The following LYST variants were observed in gnomAD, a reference collection of about 807,000 sequenced individuals.
The protein encoded by LYST is lysosomal-trafficking regulator.
A neutral mutation model predicts 413.6 loss-of-function variants in LYST; 192 were observed. The observed-to-expected ratio is 0.46, with a 90% confidence interval of 0.41 to 0.52. The LOEUF is 0.52. Ranked by LOEUF, LYST falls within the 20% of genes least tolerant of loss-of-function variation. The pLI is 0.00. For missense variants in LYST, 3,815 were observed against 4,499.9 expected (o/e 0.85, Z 4.35); for synonymous variants, 1,525 against 1,567.3 (o/e 0.97, Z 0.64).
intron 27 of LYST, 113 bp from the exon 28 acceptor site, chr1:235,751,475 A>T (rs1188569990): frequency 1.1e-6 from 1 of 944,166 alleles, no homozygotes; most frequent in Admixed American, 1.9e-5. Flanking sequence ...TTAAATTTTG[A>T]TCAGCATGGG....
chr1:235,829,344 C>G (rs2385024), intron 3 of LYST: 1 of 151,948 alleles, frequency 6.6e-6, no homozygotes, highest in African/African-American at 2.4e-5. Flanking sequence ...ATATATGTAT[C>G]TATTAGCAAA....
intron 3 of LYST, among the ~76,000 whole-genome samples, chr1:235,816,285 C>A (rs1192784200): frequency 6.7e-6 from 1 of 149,420 alleles, no homozygotes; most frequent in Non-Finnish European, 1.5e-5. Flanking sequence ...ACTAAAAATA[C>A]AAAAAATTAG....
Position 235,802,965 on chromosome 1 carries a change from C to T in LYST, c.3655G>A (p.Glu1219Lys). The T allele has an allele frequency of 3.7e-6, 6 of 1,613,602 alleles. No homozygotes were observed. The highest frequency in any genetic ancestry group is 5.1e-6 in the Non-Finnish European group (6 of 1,179,778). Residue 1219 changes from glutamate to lysine, a missense_variant, in exon 8 of 53, where the codon GAA becomes AAA. Transcript: ENST00000389793. ...CTTTCACTATCTGCTTCGTAACCTT[C>T]TTCTTCAACTAAAAGTTTAAAACTA... The part of the protein sequence containing the change: ...CCSFKLLVEE[E>K]GYEADSESNP...
At chr1:235,766,674 G>A (rs1668180119) in intron 20 of LYST, among the ~76,000 whole-genome samples, 1 of 152,068 alleles carries the variant, frequency 6.6e-6, no homozygotes, top group Non-Finnish European at 1.5e-5. Flanking sequence ...AGTAATACTA[G>A]TGCTACTTTA....
At chr1:235,683,478 T>C (rs1482472797) in intron 48 of LYST, among the ~76,000 whole-genome samples, 1 of 152,258 alleles carries the variant, frequency 6.6e-6, no homozygotes, top group African/African-American at 2.4e-5. Context: ...TTTAAATGGC[T>C]TATAGGTTAC....
chr1:235,848,547 G>A (rs1170219429), intron 1 of LYST, among the ~76,000 whole-genome samples: 8 of 151,810 alleles, frequency 5.3e-5, no homozygotes, highest in African/African-American at 1.9e-4. Context: ...AAATGAAATT[G>A]AAACAAACAA....
At chr1:235,680,102 A>G (rs1659694801) in intron 48 of LYST, among the ~76,000 whole-genome samples, 1 of 151,674 alleles carries the variant, frequency 6.6e-6, no homozygotes. Flanking sequence ...TATACTTATA[A>G]GTTATATTAA....
chr1:235,860,939 T>C (rs1474028477), intron 1 of LYST, among the ~76,000 whole-genome samples: 1 of 152,164 alleles, frequency 6.6e-6, no homozygotes, highest in Non-Finnish European at 1.5e-5. Context: ...GATGGAACAA[T>C]GCAGTATGTA....
At position 235,803,125 on chromosome 1, in the gene LYST, A is replaced by G. The variant is rs1006893332; in HGVS notation, c.3556-61T>C. ...GCTTGTTTTTAGTAATAGAATACTTATTACTCAAAAGTCATGTTAAGGACA... is the reference window on the plus strand; with the variant it reads ...GCTTGTTTTTAGTAATAGAATACTTGTTACTCAAAAGTCATGTTAAGGACA... On this transcript the variant is annotated intron_variant, in intron 7 of 52. Coordinates refer to ENST00000389793, the MANE Select transcript of LYST (RefSeq NM_000081.4). 1.5e-4 allele frequency: 200 copies of G among 1,351,060 alleles called. 3 individuals are homozygous for G. In the South Asian group the frequency reaches 2.0e-3, roughly 13 times the overall value. 83.7% of individuals were successfully genotyped at this position (1,351,060 alleles called of 1,614,324 possible). A position where few individuals can be genotyped will look rare whatever the true frequency, so the allele number is the denominator to read the frequency against.
intron 30 of LYST, 149 bp downstream of exon 30, chr1:235,743,830 T>C: frequency 1.8e-6 from 1 of 562,832 alleles, no homozygotes; most frequent in Non-Finnish European, 3.2e-6. Context: ...TATATTATTC[T>C]ATAATTAAAA....
intron 1 of LYST, among the ~76,000 whole-genome samples, chr1:235,848,899 T>C (rs1678202475): frequency 6.6e-6 from 1 of 151,384 alleles, no homozygotes. Flanking sequence ...AAAAAAAAAG[T>C]CCAGGACCAG....
chr1:235,822,002 A>G (rs1674797114), intron 3 of LYST, among the ~76,000 whole-genome samples: 2 of 152,346 alleles, frequency 1.3e-5, no homozygotes, highest in East Asian at 1.9e-4. Flanking sequence ...AAAGGCTATT[A>G]TAGATGTGGC....
chr1:235,858,527 T>A (rs951302371), intron 1 of LYST, among the ~76,000 whole-genome samples: 1 of 152,138 alleles, frequency 6.6e-6, no homozygotes, highest in Non-Finnish European at 1.5e-5. Flanking sequence ...ATGTGCCAAT[T>A]TTTCCATCTC....
intron 34 of LYST, among the ~76,000 whole-genome samples, chr1:235,732,060 G>C (rs1664429656): frequency 6.6e-6 from 1 of 151,570 alleles, no homozygotes. Context: ...GGTAGCGGTT[G>C]TTGTCTTTTT....
chr1:235,684,119 T>G (rs146571345), intron 48 of LYST, among the ~76,000 whole-genome samples: 150 of 152,320 alleles, frequency 9.8e-4, no homozygotes, highest in African/African-American at 3.5e-3. Context: ...TGTCATGACC[T>G]CAAAACTAAA....
At chr1:235,713,207 C>CT (rs1401973954) in intron 42 of LYST, 1 of 985,016 alleles carries the variant, frequency 1.0e-6, no homozygotes, top group Non-Finnish European at 1.2e-6. Flanking sequence ...GAAACATTTA[C>CT]TTTTTCTCAG....
At chr1:235,744,639 C>G (rs1331375440) in intron 29 of LYST, among the ~76,000 whole-genome samples, 2 of 151,694 alleles carry the variant, frequency 1.3e-5, no homozygotes, top group African/African-American at 4.8e-5. Flanking sequence ...ATGGCTCATG[C>G]CTGTAATCCC....
intron 44 of LYST, among the ~76,000 whole-genome samples, chr1:235,704,434 T>C (rs983742308): frequency 1.3e-5 from 2 of 152,198 alleles, no homozygotes; most frequent in Admixed American, 6.5e-5. Flanking sequence ...TTTGACTTTT[T>C]AGTAATAACC....
Position 235,806,452 on chromosome 1 carries a change from A to G in LYST, c.2684T>C (p.Ile895Thr), listed in dbSNP as rs1449513569. 2.5e-6 allele frequency: 4 copies of G among 1,614,086 alleles called. No individual in the cohort carries two copies. The highest frequency in any genetic ancestry group is 1.6e-4 in the Middle Eastern group (1 of 6,062). The change falls in exon 6 of 53, where the codon ATC becomes ACC. Residue 895 changes from isoleucine (I) to threonine (T), a missense_variant. By Grantham distance (89) the Ile-to-Thr change is moderately conservative (BLOSUM62 -1). Transcript: ENST00000389793. ...RRKTVNQDVHINTINLFLCVA... is the reference protein window; with the variant it reads ...RRKTVNQDVHTNTINLFLCVA... Reference sequence around the variant, plus strand: ...ACAGAGGAATAGGTTTATTGTGTTGATATGAACATCTTGGTTAACAGTCTT... The same window carrying G: ...ACAGAGGAATAGGTTTATTGTGTTGGTATGAACATCTTGGTTAACAGTCTT...
Sources: allele counts gnomAD v4.1 joint callset (sites outside exome capture counted in the v4.1 genomes callset), GRCh38; gene constraint gnomAD v4.1.1; transcripts MANE v1.5; gene names NCBI Gene and HGNC (gene_info 2026-07-23, HGNC 2026-07-21).